Variants in VASH1 observed in about 807,000 individuals in gnomAD.
VASH1 encodes the protein tubulinyl-Tyr carboxypeptidase 1.
VASH1 carries 16 observed loss-of-function variants against 35.0 expected under a neutral mutation model. That is an observed-to-expected ratio of 0.46 (90% CI 0.31 to 0.70). The LOEUF (loss-of-function observed/expected upper bound fraction) is 0.70, where lower values mean the gene tolerates loss of function less well. Ranked by LOEUF, VASH1 falls within the 30% of genes least tolerant of loss-of-function variation. The pLI, the probability that VASH1 is intolerant of heterozygous loss-of-function variation, is 0.05. For synonymous variants in VASH1, 214 were observed against 200.9 expected, an observed-to-expected ratio of 1.07 and a Z score of -0.55; for missense variants, 505 against 510.7, an observed-to-expected ratio of 0.99 and a Z score of 0.11.
chr14:76,770,794 T>C (rs2110919), intron 2 of VASH1, among the ~76,000 whole-genome samples: 150,815 of 152,294 alleles, frequency 0.99, 74,691 homozygotes, highest in East Asian at 1. Context: ...GTGGGGAAAC[T>C]GGTCCAGTGA....
chr14:76,778,200 G>C, intron 6 of VASH1, 129 bp downstream of exon 6: 1 of 651,922 alleles, frequency 1.5e-6, no homozygotes, highest in Non-Finnish European at 2.3e-6. Flanking sequence ...CAAGGGAGGT[G>C]ACTTGGGATG....
intron 5 of VASH1, 138 bp from the exon 6 acceptor site, chr14:76,777,821 C>T (rs1893985072): frequency 7.5e-6 from 4 of 536,116 alleles, no homozygotes; most frequent in Admixed American, 4.4e-5. Context: ...TGGGAAAGAT[C>T]CAGACAGGGA....
rs1595280894 is a variant in VASH1 at position 76,778,940 on chromosome 14, C to T, written c.1026-6C>T. 6.2e-7 allele frequency: 1 copy of T among 1,614,180 alleles called. No individual in the cohort carries two copies. Among genetic ancestry groups the T allele is most frequent in the Non-Finnish European group, 8.5e-7 (1 of 1,179,992 alleles). The stretch of plus-strand genomic sequence containing the variant: ...CTCCTCCCGCTCTGCTCTCTTCCTC[C>T]CACAGGCCCTCGGGTGACAAGAAGA... On this transcript the variant is annotated splice_region_variant and splice_polypyrimidine_tract_variant and intron_variant, in intron 6 of 6. Coordinates refer to ENST00000167106, the MANE Select transcript of VASH1 (RefSeq NM_014909.5).
At chr14:76,769,820 A>C (rs1244064212) in intron 1 of VASH1, 143 bp from the exon 2 acceptor site, 5 of 839,030 alleles carry the variant, frequency 6.0e-6, no homozygotes, top group Non-Finnish European at 9.6e-6. Context: ...GTGGGGTGCC[A>C]AGAAAGGAAG....
Position 76,775,904 on chromosome 14 carries a change from C to T in VASH1, c.543C>T (p.Asn181=), listed in dbSNP as rs753480615. 1 of 1,582,896 alleles carries T rather than the reference C, an allele frequency of 6.3e-7. No individual in the cohort carries two copies. Among genetic ancestry groups the T allele is most frequent in the Non-Finnish European group, 8.6e-7 (1 of 1,163,268 alleles). Residue 181 remains asparagine (N), a synonymous_variant, in exon 5 of 7, where the codon AAC becomes AAT. Coordinates refer to ENST00000167106, the MANE Select transcript of VASH1 (RefSeq NM_014909.5). ...EAVILGIYLT[N]SMPTLERFPI... is the part of the protein sequence containing the mutation. ...GGGCACTGGCCAGTTACCTCACCAA[C>T]AGCATGCCCACCCTGGAGCGCTTCC...
chr14:76,768,359 C>T (rs534826757), intron 1 of VASH1, among the ~76,000 whole-genome samples: 1 of 152,274 alleles, frequency 6.6e-6, no homozygotes, highest in Admixed American at 6.5e-5. Flanking sequence ...GAAATGGCTC[C>T]CTCCAGACAG....
intron 2 of VASH1, among the ~76,000 whole-genome samples, 156 bp downstream of exon 2, chr14:76,770,207 C>T (rs973666684): frequency 2.6e-5 from 4 of 152,168 alleles, no homozygotes; most frequent in Admixed American, 6.5e-5. Context: ...TGCTGTGGGA[C>T]GCGGCGCGTG....
Position 76,779,095 on chromosome 14 carries a change from G to A in VASH1, c.*77G>A, listed in dbSNP as rs1207256579. The A allele has an allele frequency of 3.4e-6, 5 of 1,486,520 alleles. No homozygotes were observed. In the Admixed American group the frequency reaches 6.7e-5, roughly 20 times the overall value. The allele number at this position is 1,486,520 out of a possible 1,614,324, so 92.1% of individuals were successfully genotyped here. A position where few individuals can be genotyped will look rare whatever the true frequency, so the allele number is the denominator to read the frequency against. ...CTGCTGGAACCAGCCTTATGCATGG[G>A]GAAGGCGGGGCTGGTGACAAGGCAG... On this transcript the variant is annotated 3_prime_UTR_variant, in exon 7 of 7. Coordinates refer to ENST00000167106, the MANE Select transcript of VASH1 (RefSeq NM_014909.5).
chr14:76,769,168 C>T, intron 1 of VASH1: 1 of 689,270 alleles, frequency 1.5e-6, no homozygotes, highest in Non-Finnish European at 1.8e-6. Flanking sequence ...CAGCAGCCTC[C>T]AGGCTCCCAG....
At position 76,761,515 on chromosome 14, in the gene VASH1, G is replaced by A. The variant is rs967511301; in HGVS notation, c.-1307G>A. ...GGGCGGCTGGCTGGCAGGGGACGTG[G>A]TCGGCGGCAGCGGGGCCCAGGGGCG... On this transcript the variant is annotated 5_prime_UTR_variant, in exon 1 of 7. Coordinates refer to ENST00000167106, the MANE Select transcript of VASH1 (RefSeq NM_014909.5). The A allele has an allele frequency of 6.5e-6, 1 of 152,912 alleles. No individual in the cohort carries two copies. The highest frequency in any genetic ancestry group is 2.4e-5 in the African/African-American group (1 of 41,436). The allele number at this position is 152,912 out of a possible 1,614,324, so 9.5% of individuals were successfully genotyped here.
At chr14:76,775,640 G>C (rs968722385) in intron 4 of VASH1, among the ~76,000 whole-genome samples, 2 of 152,180 alleles carry the variant, frequency 1.3e-5, no homozygotes, top group African/African-American at 4.8e-5. Flanking sequence ...GGACTTCAGA[G>C]CGGTGGCCAC....
intron 1 of VASH1, 90 bp from the exon 2 acceptor site, chr14:76,769,869 TGGGG>T: frequency 8.3e-7 from 1 of 1,197,742 alleles, no homozygotes; most frequent in Non-Finnish European, 1.2e-6. Context: ...CTCCCCAGGG[TGGGG>T]CGCCTCTGGG....
chr14:76,775,769 C>T, intron 4 of VASH1, 123 bp from the exon 5 acceptor site: 2 of 1,380,740 alleles, frequency 1.4e-6, no homozygotes, highest in Non-Finnish European at 1.9e-6. Flanking sequence ...TGGAGATGAG[C>T]AGGACTGGTG....
intron 6 of VASH1, 42 bp downstream of exon 6, chr14:76,778,113 T>TTTTCC (rs1893997175): frequency 1.5e-6 from 2 of 1,363,050 alleles, no homozygotes; most frequent in Non-Finnish European, 1.9e-6. Context: ...AAGAGGGTTT[T>TTTTCC]TTTCCTTTCC....
chr14:76,768,373 C>T (rs756273555), intron 1 of VASH1, among the ~76,000 whole-genome samples: 2 of 152,156 alleles, frequency 1.3e-5, no homozygotes, highest in Non-Finnish European at 2.9e-5. Context: ...CAGACAGAGA[C>T]GTCAGCGGCT....
chr14:76,775,376 G>A (rs1347307981), intron 4 of VASH1, among the ~76,000 whole-genome samples: 5 of 152,104 alleles, frequency 3.3e-5, no homozygotes. Context: ...AGTGGGCCTG[G>A]GGCTGGCTGG....
intron 1 of VASH1, chr14:76,769,341 G>T: frequency 7.8e-7 from 1 of 1,289,140 alleles, no homozygotes; most frequent in Non-Finnish European, 1.0e-6. Flanking sequence ...GCCCCTCTGT[G>T]CATGCCCCAG....
chr14:76,779,156 G>GC lies in VASH1; in HGVS notation c.*144dup, dbSNP rs1894031550. ...TGCAGGAAGAGTGTGTTCCAGCTCA[G>GC]CCCCCCAAGCTGCTCTCGCTCCCAC... On this transcript the variant is annotated 3_prime_UTR_variant, in exon 7 of 7. Coordinates refer to ENST00000167106, the MANE Select transcript of VASH1 (RefSeq NM_014909.5). 1.8e-5 allele frequency: 17 copies of GC among 966,626 alleles called. No homozygotes were observed. In the South Asian group the frequency reaches 2.2e-4, roughly 12 times the overall value. 59.9% of individuals were successfully genotyped at this position (966,626 alleles called of 1,614,324 possible).
chr14:76,773,338 C>T, intron 4 of VASH1, 127 bp downstream of exon 4: 1 of 957,136 alleles, frequency 1.0e-6, no homozygotes, highest in Non-Finnish European at 1.6e-6. Context: ...TCTGCTTGGC[C>T]CCAAGATGGA....
Sources: allele counts gnomAD v4.1 joint callset (sites outside exome capture counted in the v4.1 genomes callset), GRCh38; gene constraint gnomAD v4.1.1; transcripts MANE v1.5; gene names NCBI Gene and HGNC (gene_info 2026-07-23, HGNC 2026-07-21).